Variants in TNRC6C observed in about 807,000 individuals in gnomAD.
The protein encoded by TNRC6C is trinucleotide repeat-containing gene 6C protein.
Under a neutral mutation model 153.7 loss-of-function variants are expected in TNRC6C, and 20 were observed. The ratio of observed to expected loss-of-function variants is 0.13; its 90% CI spans 0.09 to 0.19. TNRC6C has a LOEUF of 0.19. TNRC6C is among the 10% of genes least tolerant of loss of function. The pLI is 1.00. For synonymous variants in TNRC6C, 811 were observed against 841.4 expected, an observed-to-expected ratio of 0.96 and a Z score of 0.63; for missense variants, 1,987 against 2,172.0, an observed-to-expected ratio of 0.91 and a Z score of 1.69.
intron 3 of TNRC6C, 56 bp downstream of exon 5, chr17:78,051,504 T>A: frequency 7.9e-7 from 1 of 1,266,250 alleles, no homozygotes; most frequent in Non-Finnish European, 1.0e-6. Flanking sequence ...AAAAAGCTTA[T>A]TCTCATTATA....
intron 11 of TNRC6C, among the ~76,000 whole-genome samples, chr17:78,084,461 G>A (rs2073240531): frequency 6.6e-6 from 1 of 151,976 alleles, no homozygotes; most frequent in Admixed American, 6.6e-5. Flanking sequence ...TTTGAGGTCT[G>A]CTTTTCTGTA....
chr17:78,098,533 C>T (rs753836955), exon 17 of TNRC6C: 9 of 1,611,668 alleles, frequency 5.6e-6, no homozygotes, highest in Non-Finnish European at 6.8e-6. Flanking sequence ...GCTCCTACTC[C>T]TCGGGTAAGC....
intron 1 of TNRC6C, among the ~76,000 whole-genome samples, chr17:77,960,776 G>A (rs914566142): frequency 2.0e-5 from 3 of 152,164 alleles, no homozygotes; most frequent in African/African-American, 7.2e-5. Context: ...AGGATGCTTT[G>A]TTGGGGGAAA....
chr17:78,044,121 C>T (rs72894052), intron 2 of TNRC6C, among the ~76,000 whole-genome samples: 4,914 of 152,228 alleles, frequency 0.032, 101 homozygotes, highest in Non-Finnish European at 0.051. Flanking sequence ...ATGTTTTCAA[C>T]ATAGATTCAT....
upstream of TNRC6C, among the ~76,000 whole-genome samples, chr17:78,000,624 C>CT (rs1446137124): frequency 1.7e-5 from 1 of 60,320 alleles, no homozygotes; most frequent in African/African-American, 7.1e-5. Context: ...CTCCGCCCCC[C>CT]CCCCCCCACA....
intron 3 of TNRC6C, among the ~76,000 whole-genome samples, chr17:78,059,185 A>T (rs1030939832): frequency 7.9e-5 from 12 of 152,238 alleles, no homozygotes; most frequent in Non-Finnish European, 1.5e-4. Context: ...ATCCTGTTAC[A>T]GCTCAGCTGT....
At chr17:77,966,399 A>G (rs970482842) in intron 1 of TNRC6C, among the ~76,000 whole-genome samples, 1 of 152,230 alleles carries the variant, frequency 6.6e-6, no homozygotes, top group Non-Finnish European at 1.5e-5. Context: ...TGATGCCTAC[A>G]TACTGGTAGG....
chr17:78,033,212 A>T (rs985652505), intron 2 of TNRC6C, among the ~76,000 whole-genome samples: 2 of 152,226 alleles, frequency 1.3e-5, no homozygotes, highest in Admixed American at 6.5e-5. Flanking sequence ...TTTCTCATCA[A>T]ATGCTGCTGG....
At position 78,064,702 on chromosome 17, in the gene TNRC6C, C is replaced by T. The variant is rs752034180; in HGVS notation, c.2396-20C>T. On this transcript the variant is annotated intron_variant, in intron 3 of 19. Transcript: ENST00000301624. ...TGATGCACTTTCATTATTTTCTCTA[C>T]CCCTTGGAACCTTTTTCAGTTTCAT... 2.5e-6 allele frequency: 4 copies of T among 1,609,486 alleles called. No individual in the cohort carries two copies. The highest frequency in any genetic ancestry group is 2.2e-5 in the East Asian group (1 of 44,868).
chr17:78,082,038 G>A (rs555333717), intron 10 of TNRC6C, among the ~76,000 whole-genome samples: 4 of 150,874 alleles, frequency 2.7e-5, no homozygotes, highest in African/African-American at 7.3e-5. Flanking sequence ...TTTTTTAATG[G>A]CCTTTGACAT....
chr17:78,069,054 AT>A (rs1442779947), intron 5 of TNRC6C, among the ~76,000 whole-genome samples: 5 of 152,170 alleles, frequency 3.3e-5, no homozygotes, highest in Non-Finnish European at 4.4e-5. Context: ...ATAAAATAAA[AT>A]TTTTTTGTGT....
At chr17:77,997,826 T>C (rs2071352308) in intron 1 of TNRC6C, among the ~76,000 whole-genome samples, 1 of 151,878 alleles carries the variant, frequency 6.6e-6, no homozygotes, top group African/African-American at 2.4e-5. Flanking sequence ...GGCTAATTTT[T>C]TGTATTTTTA....
chr17:78,040,041 C>A (rs915946573), intron 2 of TNRC6C, among the ~76,000 whole-genome samples: 9 of 152,236 alleles, frequency 5.9e-5, no homozygotes, highest in African/African-American at 2.2e-4. Flanking sequence ...TGCCTCCCAG[C>A]CCTGGTTCCA....
intron 1 of TNRC6C, among the ~76,000 whole-genome samples, chr17:77,970,322 C>T (rs1262369139): frequency 2.0e-5 from 3 of 152,138 alleles, no homozygotes; most frequent in African/African-American, 7.2e-5. Context: ...CACAGCTCAT[C>T]GCAGCCTCAG....
rs141832402 is a variant in TNRC6C, at chr17:78,082,799, G to C, written c.3358-248G>C. ...CACATCCATTTATAGGCTCTCTGCA[G>C]GGGGAAGCACATCACGCGCTGTTGG... On this transcript the variant is annotated intron_variant, in intron 10 of 19. Coordinates refer to ENST00000301624, the Ensembl canonical transcript of TNRC6C. Among the ~76,000 whole-genome samples the C allele has an allele frequency of 5.2e-3, 796 of 152,330 alleles. 2 individuals carry two copies. The highest frequency in any genetic ancestry group is 0.024 in the Middle Eastern group (7 of 294).
intron 6 of TNRC6C, 90 bp from the exon 9 acceptor site, chr17:78,072,947 A>G (rs938380722): frequency 1.5e-4 from 139 of 915,786 alleles, no homozygotes; most frequent in African/African-American, 2.4e-4. Flanking sequence ...CCTAATAACT[A>G]TGTCTTTAAG....
At chr17:78,088,959 CTTTT>C (rs59304499) in intron 13 of TNRC6C, among the ~76,000 whole-genome samples, 14 of 86,692 alleles carry the variant, frequency 1.6e-4, no homozygotes, top group Non-Finnish European at 7.3e-5. Context: ...CTTATCGTTA[CTTTT>C]TTTTTTTTTT....
At chr17:78,027,719 A>G (rs2071970106) in intron 1 of TNRC6C, among the ~76,000 whole-genome samples, 1 of 152,166 alleles carries the variant, frequency 6.6e-6, no homozygotes, top group Non-Finnish European at 1.5e-5. Context: ...TTAAGAAAGG[A>G]AAATATGCTG....
chr17:78,021,340 G>A (rs984462004), intron 1 of TNRC6C, among the ~76,000 whole-genome samples: 1 of 152,238 alleles, frequency 6.6e-6, no homozygotes, highest in Middle Eastern at 3.2e-3. Flanking sequence ...AGGGGCGTGG[G>A]CCACGCATTC....
Sources: gnomAD v4.1 joint callset for allele counts (sites outside exome capture counted in the v4.1 genomes callset) on GRCh38, gnomAD v4.1.1 for gene constraint, MANE v1.5 for transcripts, NCBI Gene and HGNC (gene_info 2026-07-23, HGNC 2026-07-21) for gene names.